Variants in LOC128462377 observed in about 807,000 individuals in gnomAD.
the LOC128462377 span, among the ~76,000 whole-genome samples, chr16:89,416,730 G>A: frequency 6.8e-6 from 1 of 147,106 alleles, no homozygotes; most frequent in Admixed American, 6.8e-5. Context: ...AGGGGTTCAA[G>A]ACAGGCCTGG....
the LOC128462377 span, among the ~76,000 whole-genome samples, chr16:89,396,875 C>T: frequency 6.6e-6 from 1 of 152,066 alleles, no homozygotes; most frequent in Admixed American, 6.6e-5. Flanking sequence ...TTAGTAAAGA[C>T]GGGGTTTCAC....
At chr16:89,334,955 C>T in the LOC128462377 span, among the ~76,000 whole-genome samples, 2 of 152,082 alleles carry the variant, frequency 1.3e-5, no homozygotes, top group South Asian at 2.1e-4. Context: ...AGTCAAGCAG[C>T]AGAGTGGAGG....
the LOC128462377 span, among the ~76,000 whole-genome samples, chr16:89,366,106 G>C: frequency 6.9e-6 from 1 of 145,876 alleles, no homozygotes. Context: ...CTCTAGCCTG[G>C]GTGACAAAGT....
chr16:89,324,220 C>CAGCAT, the LOC128462377 span: 1 of 1,195,088 alleles, frequency 8.4e-7, no homozygotes, highest in African/African-American at 1.6e-5. Flanking sequence ...TTACTGGCCT[C>CAGCAT]TGCTTTGCCC....
At chr16:89,318,441 C>T in the LOC128462377 span, among the ~76,000 whole-genome samples, 14 of 152,362 alleles carry the variant, frequency 9.2e-5, no homozygotes, top group South Asian at 2.7e-3. Flanking sequence ...CTGCCCTTTC[C>T]GCCACAGCAG....
At chr16:89,405,414 C>T in the LOC128462377 span, among the ~76,000 whole-genome samples, 2 of 151,874 alleles carry the variant, frequency 1.3e-5, no homozygotes, top group African/African-American at 4.8e-5. Flanking sequence ...GCCTCGACCT[C>T]CTGGGCTCAG....
At chr16:89,408,275 AG>A in the LOC128462377 span, among the ~76,000 whole-genome samples, 1 of 152,260 alleles carries the variant, frequency 6.6e-6, no homozygotes, top group African/African-American at 2.4e-5. Context: ...GAGAAGTGGC[AG>A]CCCTTCCACA....
At chr16:89,363,823 G>A in the LOC128462377 span, among the ~76,000 whole-genome samples, 2 of 152,100 alleles carry the variant, frequency 1.3e-5, no homozygotes, top group African/African-American at 4.8e-5. Context: ...AGGAGGCTGC[G>A]GCAAGGAGGA....
chr16:89,323,843 G>C, the LOC128462377 span: 1 of 232,044 alleles, frequency 4.3e-6, no homozygotes, highest in Non-Finnish European at 8.5e-6. Flanking sequence ...CTGTGCAAAG[G>C]ACTCCTAACA....
chr16:89,323,361 TCA>T, the LOC128462377 span: 1 of 1,285,504 alleles, frequency 7.8e-7, no homozygotes, highest in Non-Finnish European at 1.0e-6. Context: ...CACTGGCCTC[TCA>T]CCTCTCACCA....
At chr16:89,379,201 GCTAGAAGGGGTGCACACCGTC>G in the LOC128462377 span, among the ~76,000 whole-genome samples, 7 of 152,258 alleles carry the variant, frequency 4.6e-5, no homozygotes, top group African/African-American at 1.4e-4. Context: ...CAGCCGGCGG[GCTAGAAGGGGTGCACACCGTC>G]TGTATGTGCG....
the LOC128462377 span, chr16:89,323,098 G>C: frequency 3.2e-6 from 1 of 316,518 alleles, no homozygotes; most frequent in African/African-American, 2.3e-5. Flanking sequence ...GCCTTTTCCA[G>C]CTGAGCCCTG....
chr16:89,336,446 C>G, the LOC128462377 span, among the ~76,000 whole-genome samples: 2 of 152,170 alleles, frequency 1.3e-5, no homozygotes, highest in African/African-American at 4.8e-5. Flanking sequence ...GTGCTAGGGA[C>G]CAGGTGAACA....
the LOC128462377 span, among the ~76,000 whole-genome samples, chr16:89,407,312 A>G: frequency 6.6e-6 from 1 of 151,710 alleles, no homozygotes; most frequent in African/African-American, 2.4e-5. Context: ...GGGGAAAAAG[A>G]AAAAAAAATT....
chr16:89,376,017 C>G, the LOC128462377 span, among the ~76,000 whole-genome samples: 2 of 152,158 alleles, frequency 1.3e-5, no homozygotes, highest in African/African-American at 4.8e-5. Context: ...GAAGGGCCAT[C>G]ACAAAAAAAG....
the LOC128462377 span, among the ~76,000 whole-genome samples, chr16:89,390,335 A>G: frequency 4.0e-5 from 6 of 151,708 alleles, no homozygotes; most frequent in Non-Finnish European, 7.4e-5. Context: ...GACAGAGAAG[A>G]TCACTGGGGC....
At chr16:89,338,944 A>T in the LOC128462377 span, among the ~76,000 whole-genome samples, 1 of 152,138 alleles carries the variant, frequency 6.6e-6, no homozygotes, top group Non-Finnish European at 1.5e-5. Flanking sequence ...TTAAACCCAT[A>T]ATGAAAGCAC....
At chr16:89,331,528 A>G in the LOC128462377 span, among the ~76,000 whole-genome samples, 4 of 152,226 alleles carry the variant, frequency 2.6e-5, no homozygotes, top group Admixed American at 2.6e-4. Context: ...ACTGCTGAAG[A>G]AAATGGCACA....
the LOC128462377 span, among the ~76,000 whole-genome samples, chr16:89,407,719 G>A: frequency 4.9e-3 from 746 of 152,088 alleles, 8 homozygotes; most frequent in African/African-American, 0.017. Context: ...GCATTGTGGT[G>A]TGCCCCTGCA....
Sources: allele counts gnomAD v4.1 joint callset (sites outside exome capture counted in the v4.1 genomes callset), GRCh38; gene constraint gnomAD v4.1.1; transcripts MANE v1.5.